Variants in CPNE9 observed in about 807,000 individuals in gnomAD.
CPNE9 encodes copine-9.
Under a neutral mutation model 83.0 loss-of-function variants are expected in CPNE9, and 59 were observed. The ratio of observed to expected loss-of-function variants is 0.71; its 90% CI spans 0.58 to 0.88. The LOEUF is 0.88. Ranked by LOEUF, CPNE9 falls within the 40% of genes least tolerant of loss-of-function variation. The pLI, the probability that CPNE9 is intolerant of heterozygous loss-of-function variation, is 0.00. For missense variants in CPNE9, 619 were observed against 720.8 expected (o/e 0.86, Z 1.62); for synonymous variants, 256 against 273.4 (o/e 0.94, Z 0.63).
chr3:9,722,166 C>CG (rs1559644364), intron 17 of CPNE9, among the ~76,000 whole-genome samples: 1 of 151,740 alleles, frequency 6.6e-6, no homozygotes, highest in African/African-American at 2.4e-5. Context: ...ATCCACCCCC[C>CG]CCCGCCACCC....
At chr3:9,723,638 G>A (rs910760679) in intron 17 of CPNE9, among the ~76,000 whole-genome samples, 1 of 151,972 alleles carries the variant, frequency 6.6e-6, no homozygotes, top group Non-Finnish European at 1.5e-5. Flanking sequence ...TGGCTCACTG[G>A]GCTCATGCAA....
In CPNE9 at chr3:9,703,981, G is replaced by A. The variant is rs768906149; in HGVS notation, c.-16G>A. On this transcript the variant is annotated 5_prime_UTR_variant, in exon 1 of 21. Transcript: ENST00000383832. ...TGGTCTCGCAGCCTCCTGCGGCTCT[G>A]GTCGCCCGACCAGCCATGTCTCTCG... is the stretch of plus-strand genomic sequence containing the variant. The A allele has an allele frequency of 1.3e-4, 202 of 1,594,718 alleles. No homozygotes were observed. Among genetic ancestry groups the A allele is most frequent in the Non-Finnish European group, 1.5e-4 (177 of 1,174,110 alleles).
At chr3:9,710,225 T>G (rs908587010) in intron 7 of CPNE9, among the ~76,000 whole-genome samples, 7 of 152,062 alleles carry the variant, frequency 4.6e-5, no homozygotes, top group African/African-American at 2.4e-5. Context: ...CTTGATGTAA[T>G]AAAAAGAGGT....
In CPNE9 at chr3:9,703,864, C is replaced by T; in HGVS notation, c.-133C>T. 1 of 579,892 alleles carries T rather than the reference C, an allele frequency of 1.7e-6. No individual in the cohort carries two copies. The allele number at this position is 579,892 out of a possible 1,614,324, so 35.9% of individuals were successfully genotyped here. A position where few individuals can be genotyped will look rare whatever the true frequency, so the allele number is the denominator to read the frequency against. The stretch of plus-strand genomic sequence containing the variant: ...AGGGCGCGAGCGGCTGGAGCGCACG[C>T]AGGGCTGGAGCGAGTGCAGCCGCCG... On this transcript the variant is annotated 5_prime_UTR_variant, in exon 1 of 21. Coordinates refer to ENST00000383832, the MANE Select transcript of CPNE9 (RefSeq NM_153635.3).
At chr3:9,719,644 C>T (rs2076717246) in intron 17 of CPNE9, among the ~76,000 whole-genome samples, 1 of 152,032 alleles carries the variant, frequency 6.6e-6, no homozygotes. Flanking sequence ...GGTACATGCT[C>T]CATAAATGAT....
chr3:9,718,180 A>G lies in CPNE9; in HGVS notation c.1083A>G (p.Pro361=). ...PAYGFGAKLP[P]EGRISHQFPL... ...ATGGCTTTGGGGCCAAGCTGCCCCCAGAGGGACGGATCTCCCACCAGTTCC... is the reference window on the plus strand; with the variant it reads ...ATGGCTTTGGGGCCAAGCTGCCCCCGGAGGGACGGATCTCCCACCAGTTCC... The change falls in exon 16 of 21, where the codon CCA becomes CCG. Residue 361 remains proline, a synonymous_variant. Transcript: ENST00000383832. 6.2e-7 allele frequency: 1 copy of G among 1,613,436 alleles called. No homozygotes were observed. The highest frequency in any genetic ancestry group is 8.5e-7 in the Non-Finnish European group (1 of 1,179,556).
Position 9,716,039 on chromosome 3 carries a change from A to G in CPNE9, c.884+4A>G. 1 of 1,607,328 alleles carries G rather than the reference A, an allele frequency of 6.2e-7. No homozygotes were observed. Among genetic ancestry groups the G allele is most frequent in the Non-Finnish European group, 8.5e-7 (1 of 1,176,390 alleles). ...TTGTTGATTACATCAAGGGAGGGTG[A>G]GTCACAGGCCAAGCTCTGGGCTGAA... On this transcript the variant is annotated splice_donor_region_variant and intron_variant, in intron 14 of 20. Transcript: ENST00000383832.
intron 7 of CPNE9, among the ~76,000 whole-genome samples, chr3:9,707,389 G>A (rs2076575560): frequency 6.7e-6 from 1 of 150,026 alleles, no homozygotes; most frequent in South Asian, 2.1e-4. Flanking sequence ...TAAACCTTGG[G>A]TGGCCAAAGG....
At chr3:9,705,635 C>G (rs1288052706) in intron 5 of CPNE9, 83 bp from the exon 6 acceptor site, 3 of 1,585,696 alleles carry the variant, frequency 1.9e-6, no homozygotes, top group Non-Finnish European at 2.6e-6. Context: ...CTCCTGGTCC[C>G]TCTCCTCCTG....
At position 9,727,135 on chromosome 3, in the gene CPNE9, T is replaced by C. The variant is rs2062256149; in HGVS notation, c.1425T>C (p.Asp475=). 3 of 1,613,976 alleles carry C rather than the reference T, an allele frequency of 1.9e-6. No individual in the cohort carries two copies. Among genetic ancestry groups the C allele is most frequent in the Admixed American group, 1.7e-5 (1 of 59,988 alleles). The change falls in exon 20 of 21, where the codon GAT becomes GAC. Residue 475 remains aspartate (D), a synonymous_variant. Coordinates refer to ENST00000383832, the MANE Select transcript of CPNE9 (RefSeq NM_153635.3). ...MFEAMEELDG[D]DVRVSSRGRY... ...CAGCAATGGAAGAGTTGGACGGTGA[T>C]GATGTGCGCGTGTCCTCTAGGGGAC...
At chr3:9,728,931 T>C (rs1210957870) in intron 20 of CPNE9, among the ~76,000 whole-genome samples, 1 of 152,072 alleles carries the variant, frequency 6.6e-6, no homozygotes, top group African/African-American at 2.4e-5. Context: ...TGCTCCCTCC[T>C]TTCCAGTCTC....
Position 9,705,862 on chromosome 3 carries a change from C to T in CPNE9, c.301-125C>T, listed in dbSNP as rs2076558813. 5 of 1,334,970 alleles carry T rather than the reference C, an allele frequency of 3.7e-6. No individual in the cohort carries two copies. The Admixed American group carries it at 7.2e-5, about 19-fold the overall frequency. 82.7% of individuals were successfully genotyped at this position (1,334,970 alleles called of 1,614,324 possible). The stretch of plus-strand genomic sequence containing the variant: ...CCCCTCCATTAAAGCCCATGTAGGG[C>T]CGTGGCTCTTGCACCACTCATTCGC... On this transcript the variant is annotated intron_variant, in intron 6 of 20. Coordinates refer to ENST00000383832, the MANE Select transcript of CPNE9 (RefSeq NM_153635.3).
intron 17 of CPNE9, among the ~76,000 whole-genome samples, chr3:9,725,640 G>A (rs1438911664): frequency 9.5e-4 from 47 of 49,452 alleles, no homozygotes; most frequent in Middle Eastern, 0.014. Flanking sequence ...GTATATACAT[G>A]TATGTGTATA....
intron 17 of CPNE9, among the ~76,000 whole-genome samples, chr3:9,725,592 A>G (rs3867393): frequency 1.3e-5 from 2 of 150,338 alleles, no homozygotes; most frequent in East Asian, 3.9e-4. Flanking sequence ...ATGTGTATAT[A>G]TATGTGTATA....
intron 8 of CPNE9, 52 bp downstream of exon 8, chr3:9,712,656 C>T (rs1264863911): frequency 3.7e-6 from 6 of 1,607,054 alleles, no homozygotes; most frequent in East Asian, 2.2e-5. Context: ...TCCCCGTAAA[C>T]CCTTTAATGG....
Position 9,714,942 on chromosome 3 carries a change from G to C in CPNE9, c.679G>C (p.Asp227His), listed in dbSNP as rs765574780. Residue 227 changes from aspartate (D) to histidine (H), a missense_variant, in exon 11 of 21, where the codon GAC (aspartate) becomes CAC (histidine). Physicochemically the swap from Asp to His is moderately conservative, Grantham distance 81. Transcript: ENST00000383832. ...RTVKIDVYDW[D>H]RDGSHDFIGE... is the part of the protein sequence containing the mutation. ...GGTGAAGATTGATGTGTACGACTGG[G>C]ACCGGGATGGAAGGTAGAACTGCCC... 6.2e-7 allele frequency: 1 copy of C among 1,613,904 alleles called. No homozygotes were observed.
intron 7 of CPNE9, among the ~76,000 whole-genome samples, chr3:9,710,292 A>C (rs1002765310): frequency 3.3e-5 from 5 of 152,258 alleles, no homozygotes; most frequent in Admixed American, 3.3e-4. Flanking sequence ...TATAGTACAC[A>C]GTGGAGGGAT....
chr3:9,709,439 G>T (rs1439797325), intron 7 of CPNE9, among the ~76,000 whole-genome samples: 1 of 147,860 alleles, frequency 6.8e-6, no homozygotes, highest in Non-Finnish European at 1.5e-5. Context: ...TGTGATCTTG[G>T]CCCACTGCAA....
At position 9,704,891 on chromosome 3, in the gene CPNE9, T is replaced by C. The variant is rs1278981261; in HGVS notation, c.157T>C (p.Phe53Leu). 4.3e-6 allele frequency: 7 copies of C among 1,612,532 alleles called. No individual in the cohort carries two copies. In the African/African-American group the frequency reaches 6.7e-5, roughly 15 times the overall value. ...QSRASQEWRE[F>L]GRTEVIDNTL... is the part of the protein sequence containing the mutation. Reference sequence around the variant, plus strand: ...GCTGACCCTCCACCCCCCTACCCAGTTCGGACGGACCGAGGTGATTGATAA... The same window carrying C: ...GCTGACCCTCCACCCCCCTACCCAGCTCGGACGGACCGAGGTGATTGATAA... Residue 53 changes from phenylalanine to leucine, a missense_variant and splice_region_variant, in exon 4 of 21, where the codon TTC becomes CTC. Phe to Leu is a conservative substitution (Grantham distance 22, BLOSUM62 0). Transcript: ENST00000383832. The surrounding 1 kb of genome is among the most constrained non-coding windows in gnomAD (Gnocchi z 7.1).
Sources: allele counts gnomAD v4.1 joint callset (sites outside exome capture counted in the v4.1 genomes callset), GRCh38; gene constraint gnomAD v4.1.1; non-coding constraint Gnocchi (gnomAD v3.1); transcripts MANE v1.5; gene names NCBI Gene and HGNC (gene_info 2026-07-23, HGNC 2026-07-21).